The following RALYL variants were observed in gnomAD, a reference collection of about 807,000 sequenced individuals.
RALYL encodes the protein RALY RNA binding protein like, also known as RNA-binding Raly-like protein.
In RALYL, 29 loss-of-function variants were observed where a neutral mutation model predicts 35.1. That is an observed-to-expected ratio of 0.83 (90% confidence interval 0.61 to 1.13). RALYL has a LOEUF of 1.13. Among genes scored for constraint, RALYL ranks in the 50% most tolerant of loss-of-function variants. RALYL has a pLI of 0.00. For synonymous variants in RALYL, 120 were observed against 127.6 expected (o/e 0.94, Z 0.40); for missense variants, 359 against 360.4 (o/e 1.00, Z 0.03).
chr8:84,385,221 A>G (rs899047672), intron 1 of RALYL, among the ~76,000 whole-genome samples: 1 of 151,880 alleles, frequency 6.6e-6, no homozygotes, highest in Non-Finnish European at 1.5e-5. Context: ...AAACTAAACT[A>G]CTTTTACATT....
intron 2 of RALYL, among the ~76,000 whole-genome samples, chr8:84,631,504 G>A (rs1190953192): frequency 6.6e-6 from 1 of 151,964 alleles, no homozygotes; most frequent in Non-Finnish European, 1.5e-5. Flanking sequence ...TGAAACCTGT[G>A]TAACACTGCT....
intron 2 of RALYL, among the ~76,000 whole-genome samples, chr8:84,558,217 A>G (rs1419838846): frequency 6.6e-6 from 1 of 152,140 alleles, no homozygotes; most frequent in African/African-American, 2.4e-5. Context: ...ATTCCTTTAC[A>G]AGAATTGTGC....
At chr8:84,814,003 G>A (rs1427541294) in intron 4 of RALYL, among the ~76,000 whole-genome samples, 1 of 150,474 alleles carries the variant, frequency 6.6e-6, no homozygotes, top group Non-Finnish European at 1.5e-5. Flanking sequence ...TGCAGTGCTT[G>A]GTTTTTTATC....
chr8:84,514,089 C>CAA (rs2057846224), intron 1 of RALYL, among the ~76,000 whole-genome samples: 1 of 22,816 alleles, frequency 4.4e-5, no homozygotes. Flanking sequence ...GAGATTTCAT[C>CAA]TAAAAAAAAA....
At position 84,630,664 on chromosome 8, in the gene RALYL, CA is replaced by C. The variant is rs369479137; in HGVS notation, c.256+101091del. On this transcript the variant is annotated intron_variant, in intron 2 of 8. Coordinates refer to ENST00000521268, the MANE Select transcript of RALYL (RefSeq NM_173848.7). The stretch of plus-strand genomic sequence containing the variant: ...AAGTTGATTTGAGAAAACTAAACAC[CA>C]AAATATTTTTGCTGACATTACCAAA... 1.6e-3 allele frequency among the ~76,000 whole-genome samples: 247 copies of C among 151,986 alleles called. 2 individuals carry two copies. Among genetic ancestry groups the C allele is most frequent in the African/African-American group, 5.3e-3 (220 of 41,486 alleles).
At chr8:84,425,408 T>C (rs958461165) in intron 1 of RALYL, among the ~76,000 whole-genome samples, 4 of 152,144 alleles carry the variant, frequency 2.6e-5, no homozygotes, top group Non-Finnish European at 4.4e-5. Context: ...CTGCTTCGGC[T>C]CGCGCACGGT....
intron 3 of RALYL, among the ~76,000 whole-genome samples, chr8:84,786,182 T>C (rs965388049): frequency 1.3e-5 from 2 of 152,244 alleles, no homozygotes; most frequent in African/African-American, 4.8e-5. Context: ...GGCAGCATAG[T>C]ATTCCACAGT....
intron 6 of RALYL, 108 bp downstream of exon 6, chr8:84,862,561 C>T: frequency 1.2e-6 from 1 of 867,018 alleles, no homozygotes; most frequent in Non-Finnish European, 1.6e-6. Flanking sequence ...GAAGGACCTG[C>T]TATGTATAAA....
At chr8:84,220,038 G>C (rs1821808387) in intron 1 of RALYL, among the ~76,000 whole-genome samples, 1 of 151,984 alleles carries the variant, frequency 6.6e-6, no homozygotes, top group Admixed American at 6.6e-5. Flanking sequence ...TCATGTCAAT[G>C]AATGTTCTAC....
intron 4 of RALYL, among the ~76,000 whole-genome samples, chr8:84,839,476 C>A (rs988631168): frequency 1.3e-5 from 2 of 152,228 alleles, no homozygotes; most frequent in Non-Finnish European, 1.5e-5. Flanking sequence ...CCAGGAAGCT[C>A]GAACTGGGTG....
intron 1 of RALYL, among the ~76,000 whole-genome samples, chr8:84,464,420 CT>C: frequency 6.6e-6 from 1 of 151,216 alleles, no homozygotes; most frequent in East Asian, 2.0e-4. Context: ...CGATAGTTTA[CT>C]GAGAATGATG....
At chr8:84,471,293 C>T (rs2133702374) in intron 1 of RALYL, among the ~76,000 whole-genome samples, 1 of 152,080 alleles carries the variant, frequency 6.6e-6, no homozygotes, top group South Asian at 2.1e-4. Flanking sequence ...AAAACAACAA[C>T]AACAACCAGC....
chr8:84,228,977 G>A (rs536763806), intron 1 of RALYL, among the ~76,000 whole-genome samples: 9 of 152,246 alleles, frequency 5.9e-5, no homozygotes, highest in African/African-American at 1.9e-4. Context: ...AGATTTGGGT[G>A]GGAACAGAGA....
intron 1 of RALYL, among the ~76,000 whole-genome samples, chr8:84,515,719 T>C (rs1305278251): frequency 6.6e-6 from 1 of 152,080 alleles, no homozygotes; most frequent in Non-Finnish European, 1.5e-5. Flanking sequence ...ATTATTAATA[T>C]ACTCTGTCTA....
chr8:84,308,207 C>T (rs6473542), intron 1 of RALYL, among the ~76,000 whole-genome samples: 3,086 of 151,916 alleles, frequency 0.02, 115 homozygotes, highest in African/African-American at 0.07. Context: ...AAGAAAAATA[C>T]TTACAAAAAT....
intron 1 of RALYL, among the ~76,000 whole-genome samples, chr8:84,244,748 G>A (rs757568995): frequency 2.0e-5 from 3 of 152,190 alleles, no homozygotes; most frequent in Non-Finnish European, 4.4e-5. Context: ...AGTTTCTGTG[G>A]ATCTGCTGGG....
chr8:84,196,645 G>A (rs1332880257), intron 1 of RALYL, among the ~76,000 whole-genome samples: 1 of 152,178 alleles, frequency 6.6e-6, no homozygotes, highest in African/African-American at 2.4e-5. Context: ...ACATAGAACA[G>A]TGCAAATATA....
At chr8:84,403,159 T>A (rs754539612) in intron 1 of RALYL, among the ~76,000 whole-genome samples, 26 of 152,208 alleles carry the variant, frequency 1.7e-4, no homozygotes, top group Non-Finnish European at 2.8e-4. Flanking sequence ...AGCTCTTTAG[T>A]TTAACTAGAT....
At chr8:84,756,430 T>C (rs1811424982) in intron 2 of RALYL, among the ~76,000 whole-genome samples, 1 of 152,100 alleles carries the variant, frequency 6.6e-6, no homozygotes, top group Non-Finnish European at 1.5e-5. Context: ...CTAATGATAA[T>C]GAAATCCTAG....
Sources: gnomAD v4.1 joint callset for allele counts (sites outside exome capture counted in the v4.1 genomes callset) on GRCh38, gnomAD v4.1.1 for gene constraint, MANE v1.5 for transcripts, NCBI Gene and HGNC (gene_info 2026-07-23, HGNC 2026-07-21) for gene names.